The following MAJIN variants were observed in gnomAD, a reference collection of about 807,000 sequenced individuals.
The protein encoded by MAJIN is membrane anchored junction protein.
Under a neutral mutation model 30.2 loss-of-function variants are expected in MAJIN, and 27 were observed. The ratio of observed to expected loss-of-function variants is 0.89; its 90% CI spans 0.66 to 1.23. The LOEUF (loss-of-function observed/expected upper bound fraction) is 1.23, where lower values mean the gene tolerates loss of function less well. Among genes scored for constraint, MAJIN ranks in the 50% most tolerant of loss-of-function variants. MAJIN has a pLI of 0.00. For missense variants in MAJIN, 253 were observed against 260.3 expected (o/e 0.97, Z 0.19); for synonymous variants, 78 against 91.6 (o/e 0.85, Z 0.85).
intron 1 of MAJIN, among the ~76,000 whole-genome samples, chr11:64,966,395 C>G (rs1176365698): frequency 1.3e-5 from 2 of 151,264 alleles, no homozygotes. Flanking sequence ...ATTAGCCAGG[C>G]ATTGTGGTGG....
At chr11:64,961,452 C>CCACT (rs1331791090) in intron 1 of MAJIN, among the ~76,000 whole-genome samples, 1 of 149,022 alleles carries the variant, frequency 6.7e-6, no homozygotes, top group Non-Finnish European at 1.5e-5. Context: ...CAGGCATGAC[C>CCACT]CACTGTGCCC....
rs1945316185 is a variant in MAJIN at position 64,938,262 on chromosome 11, A to G, written c.*313T>C. On this transcript the variant is annotated 3_prime_UTR_variant, in exon 11 of 11. Transcript: ENST00000301896. ...TCATAAATAATTTATTGTCATTAGG[A>G]TCCTAAGTGCCGAAGACAAAAGGCC... The G allele has an allele frequency of 4.7e-6, 2 of 423,396 alleles. No individual in the cohort carries two copies. Among genetic ancestry groups the G allele is most frequent in the Non-Finnish European group, 8.7e-6 (2 of 229,952 alleles). 26.2% of individuals were successfully genotyped at this position (423,396 alleles called of 1,614,324 possible).
At chr11:64,949,674 C>A in intron 6 of MAJIN, 69 bp downstream of exon 6, 7 of 1,567,672 alleles carry the variant, frequency 4.5e-6, no homozygotes, top group Non-Finnish European at 5.2e-6. Context: ...TAGCCCCTTT[C>A]GCGATACCTA....
chr11:64,941,594 G>A (rs1945380126), intron 8 of MAJIN, among the ~76,000 whole-genome samples: 1 of 152,166 alleles, frequency 6.6e-6, no homozygotes, highest in African/African-American at 2.4e-5. Flanking sequence ...GAGGCAGAGT[G>A]AGCCAAGGTC....
In MAJIN at chr11:64,950,388, G is replaced by A; in HGVS notation, c.190C>T (p.Pro64Ser). 6.2e-7 allele frequency: 1 copy of A among 1,612,508 alleles called. No individual in the cohort carries two copies. The highest frequency in any genetic ancestry group is 8.5e-7 in the Non-Finnish European group (1 of 1,179,388). Residue 64 changes from proline (P) to serine (S), a missense_variant, in exon 5 of 11, where the codon CCC becomes TCC. Coordinates refer to ENST00000301896, the MANE Select transcript of MAJIN (RefSeq NM_001037225.3). ...VVLGNLDNLQ[P>S]FATEHFIVFP... is the part of the protein sequence containing the mutation. ...ACAATGAAGTGTTCTGTAGCAAAGG[G>A]CTGAAGATTGTCCAAGTTTCCCAAG...
chr11:64,949,920 T>C, intron 5 of MAJIN, 52 bp from the exon 6 acceptor site: 1 of 1,584,098 alleles, frequency 6.3e-7, no homozygotes, highest in Non-Finnish European at 8.6e-7. Flanking sequence ...CATTCCTAAG[T>C]ACTATTTTAG....
intron 8 of MAJIN, among the ~76,000 whole-genome samples, chr11:64,945,085 C>T (rs1016920169): frequency 1.3e-5 from 2 of 152,116 alleles, no homozygotes; most frequent in East Asian, 1.9e-4. Flanking sequence ...CGGCTGGGCT[C>T]GGTGGCTCAC....
At chr11:64,970,154 A>T (rs1198743526) in intron 1 of MAJIN, among the ~76,000 whole-genome samples, 2 of 151,806 alleles carry the variant, frequency 1.3e-5, no homozygotes, top group East Asian at 4.0e-4. Flanking sequence ...ACCTGAGGTC[A>T]GGAGTTCGAG....
intron 3 of MAJIN, among the ~76,000 whole-genome samples, chr11:64,958,034 C>G (rs921666288): frequency 6.6e-6 from 1 of 151,868 alleles, no homozygotes; most frequent in African/African-American, 2.4e-5. Flanking sequence ...CTCCGTCTCC[C>G]GAGTTCAAGC....
intron 9 of MAJIN, 21 bp downstream of exon 9, chr11:64,940,553 T>A (rs532621070): frequency 6.2e-7 from 1 of 1,602,772 alleles, no homozygotes; most frequent in African/African-American, 1.3e-5. Context: ...GGAGAATAAA[T>A]GGAAATTTCC....
At chr11:64,939,545 TA>T in intron 10 of MAJIN, 116 bp downstream of exon 10, 1 of 839,118 alleles carries the variant, frequency 1.2e-6, no homozygotes, top group Non-Finnish European at 1.9e-6. Context: ...ATCCTAGACA[TA>T]AGTGAGAAGC....
At chr11:64,949,608 C>CA (rs1945517144) in intron 6 of MAJIN, 135 bp downstream of exon 6, 1 of 1,144,512 alleles carries the variant, frequency 8.7e-7, no homozygotes, top group Non-Finnish European at 1.2e-6. Flanking sequence ...ACCGGTCAGT[C>CA]TGGCCTGGAG....
At chr11:64,955,971 A>AG (rs1320424678) in intron 3 of MAJIN, among the ~76,000 whole-genome samples, 3 of 152,190 alleles carry the variant, frequency 2.0e-5, no homozygotes, top group African/African-American at 7.2e-5. Context: ...GTTCGAGACC[A>AG]GCCTGGCCAA....
In MAJIN at chr11:64,950,524, T is replaced by C; in HGVS notation, c.148-94A>G. 5.9e-6 allele frequency: 6 copies of C among 1,022,808 alleles called. No homozygotes were observed. The South Asian group carries it at 8.7e-5, about 15-fold the overall frequency. The allele number at this position is 1,022,808 out of a possible 1,614,324, so 63.4% of individuals were successfully genotyped here. On this transcript the variant is annotated intron_variant, in intron 4 of 10. Transcript: ENST00000301896. ...TGCTACTCACATACCCTATACACTA[T>C]CAAAACTGAACTATTTGCTGTTCCT...
intron 1 of MAJIN, among the ~76,000 whole-genome samples, chr11:64,968,037 A>G (rs1192802137): frequency 6.6e-6 from 1 of 152,038 alleles, no homozygotes; most frequent in Non-Finnish European, 1.5e-5. Context: ...AAGCATTCCA[A>G]GCAGAAAAAT....
chr11:64,955,899 C>A (rs868188087), intron 3 of MAJIN, among the ~76,000 whole-genome samples: 1 of 152,224 alleles, frequency 6.6e-6, no homozygotes, highest in Non-Finnish European at 1.5e-5. Flanking sequence ...GGCGCAGTGG[C>A]TCACGCCTGT....
intron 9 of MAJIN, among the ~76,000 whole-genome samples, chr11:64,940,244 G>A (rs1263230300): frequency 6.6e-6 from 1 of 152,164 alleles, no homozygotes; most frequent in Non-Finnish European, 1.5e-5. Context: ...CAACAGTACA[G>A]AAAAGGGAAA....
At chr11:64,949,376 A>G (rs187972224) in intron 6 of MAJIN, among the ~76,000 whole-genome samples, 1 of 152,224 alleles carries the variant, frequency 6.6e-6, no homozygotes, top group Admixed American at 6.5e-5. Context: ...TCTAAAGTGA[A>G]AATCATAGAA....
intron 1 of MAJIN, among the ~76,000 whole-genome samples, chr11:64,966,022 C>T (rs1945801904): frequency 6.6e-6 from 1 of 150,612 alleles, no homozygotes; most frequent in East Asian, 1.9e-4. Context: ...ATCCTACCAA[C>T]CGCAGGAACC....
Sources: gnomAD v4.1 joint callset for allele counts (sites outside exome capture counted in the v4.1 genomes callset) on GRCh38, gnomAD v4.1.1 for gene constraint, MANE v1.5 for transcripts, NCBI Gene and HGNC (gene_info 2026-07-23, HGNC 2026-07-21) for gene names.